PDS5B: variants seen among roughly 807,000 people sequenced by gnomAD.
PDS5B encodes sister chromatid cohesion protein PDS5 homolog B.
A neutral mutation model predicts 184.1 loss-of-function variants in PDS5B; 51 were observed. The ratio of observed to expected loss-of-function variants is 0.28; its 90% CI spans 0.22 to 0.35. The LOEUF (loss-of-function observed/expected upper bound fraction) is 0.35. Among genes scored for constraint, PDS5B ranks in the 10% least tolerant of loss-of-function variants. PDS5B has a pLI of 1.00. For synonymous variants in PDS5B, 566 were observed against 569.2 expected, an observed-to-expected ratio of 0.99 and a Z score of 0.08; for missense variants, 1,180 against 1,723.3, an observed-to-expected ratio of 0.68 and a Z score of 5.58.
intron 9 of PDS5B, among the ~76,000 whole-genome samples, chr13:32,678,511 C>T (rs1015245550): frequency 6.6e-6 from 1 of 152,172 alleles, no homozygotes; most frequent in South Asian, 2.1e-4. Context: ...TATATGCACA[C>T]TTGCATAAAT....
intron 6 of PDS5B, among the ~76,000 whole-genome samples, chr13:32,660,559 C>T (rs1291920587): frequency 6.6e-6 from 1 of 152,192 alleles, no homozygotes; most frequent in African/African-American, 2.4e-5. Flanking sequence ...AACCCTCAAC[C>T]ACTTGTCAAC....
chr13:32,736,703 TTTCATATTCTCTTTCCTTTCTTAC>T (rs1684285468), intron 21 of PDS5B, among the ~76,000 whole-genome samples: 1 of 152,046 alleles, frequency 6.6e-6, no homozygotes, highest in African/African-American at 2.4e-5. Context: ...ACGATTTCTG[TTTCATATTCTCTTTCCTTTCTTAC>T]TGCAGTTCTA....
At chr13:32,760,387 T>G (rs117348088) in intron 29 of PDS5B, among the ~76,000 whole-genome samples, 188 bp from the exon 30 acceptor site, 2 of 152,260 alleles carry the variant, frequency 1.3e-5, no homozygotes, top group Admixed American at 1.3e-4. Context: ...TCAACTGTTA[T>G]GCTGTCTGTA....
chr13:32,707,301 A>C (rs1952055469), intron 18 of PDS5B, among the ~76,000 whole-genome samples: 2 of 152,140 alleles, frequency 1.3e-5, no homozygotes, highest in African/African-American at 4.8e-5. Flanking sequence ...TGAGCAAAGA[A>C]GGTACAACTC....
intron 23 of PDS5B, among the ~76,000 whole-genome samples, chr13:32,743,040 G>A (rs528090815): frequency 1.3e-5 from 2 of 151,200 alleles, no homozygotes; most frequent in African/African-American, 2.4e-5. Flanking sequence ...ATATGTAAGG[G>A]GAAAGAACAG....
chr13:32,602,528 T>C (rs1193488782), intron 1 of PDS5B, among the ~76,000 whole-genome samples: 1 of 152,196 alleles, frequency 6.6e-6, no homozygotes, highest in Non-Finnish European at 1.5e-5. Flanking sequence ...TCTAAGTGTT[T>C]GTATTGTGAA....
chr13:32,731,149 C>T (rs1593544069), intron 19 of PDS5B, among the ~76,000 whole-genome samples: 2 of 151,916 alleles, frequency 1.3e-5, no homozygotes, highest in Non-Finnish European at 2.9e-5. Flanking sequence ...ATTTTTAGGC[C>T]TTTACATGTT....
intron 21 of PDS5B, among the ~76,000 whole-genome samples, chr13:32,740,392 CTG>C (rs1033100992): frequency 1.3e-5 from 2 of 152,116 alleles, no homozygotes; most frequent in African/African-American, 4.8e-5. Context: ...GAGTTATAAA[CTG>C]TGTGTGAATC....
At chr13:32,723,913 A>T (rs541649287) in intron 19 of PDS5B, among the ~76,000 whole-genome samples, 1 of 152,328 alleles carries the variant, frequency 6.6e-6, no homozygotes, top group East Asian at 1.9e-4. Context: ...TAGGGAGAAT[A>T]CAAATCCCCA....
chr13:32,652,168 AT>A (rs1421815767), intron 3 of PDS5B, 161 bp downstream of exon 3: 1 of 572,432 alleles, frequency 1.7e-6, no homozygotes, highest in Non-Finnish European at 3.0e-6. Flanking sequence ...TTTAGAACTT[AT>A]TTTTGAAAAA....
intron 19 of PDS5B, among the ~76,000 whole-genome samples, chr13:32,730,478 T>C (rs1190834863): frequency 6.6e-6 from 1 of 152,240 alleles, no homozygotes; most frequent in Non-Finnish European, 1.5e-5. Context: ...TCTAGTTTTG[T>C]GAAGAAAGTC....
intron 3 of PDS5B, among the ~76,000 whole-genome samples, chr13:32,656,316 G>C (rs1212736408): frequency 1.2e-5 from 1 of 85,956 alleles, no homozygotes. Context: ...TTGGCTGTTT[G>C]GGGTCCCTTT....
chr13:32,678,971 C>A, intron 10 of PDS5B, 42 bp downstream of exon 10: 1 of 1,083,426 alleles, frequency 9.2e-7, no homozygotes, highest in South Asian at 1.3e-5. Flanking sequence ...ACGTGCTCTT[C>A]AGTGGAAAAA....
At chr13:32,606,883 C>T (rs932966500) in intron 1 of PDS5B, among the ~76,000 whole-genome samples, 7 of 152,174 alleles carry the variant, frequency 4.6e-5, no homozygotes, top group Non-Finnish European at 8.8e-5. Flanking sequence ...GCATTCATCA[C>T]GTAGTTCTCG....
At chr13:32,732,477 A>G (rs1358543066) in intron 20 of PDS5B, among the ~76,000 whole-genome samples, 1 of 151,960 alleles carries the variant, frequency 6.6e-6, no homozygotes, top group East Asian at 1.9e-4. Flanking sequence ...GTATTTGGAG[A>G]CTATTTTTTG....
At chr13:32,739,193 A>T (rs1443497827) in intron 21 of PDS5B, among the ~76,000 whole-genome samples, 1 of 151,940 alleles carries the variant, frequency 6.6e-6, no homozygotes, top group Non-Finnish European at 1.5e-5. Context: ...CTGTGATATA[A>T]GGATTTCATT....
At chr13:32,754,687 C>T (rs1301288899) in intron 25 of PDS5B, among the ~76,000 whole-genome samples, 2 of 152,006 alleles carry the variant, frequency 1.3e-5, no homozygotes, top group Non-Finnish European at 2.9e-5. Context: ...ATCATTTGTG[C>T]CCTAGTTTCC....
intron 19 of PDS5B, among the ~76,000 whole-genome samples, chr13:32,722,728 T>C (rs747302596): frequency 2.6e-5 from 4 of 152,150 alleles, no homozygotes; most frequent in Non-Finnish European, 5.9e-5. Flanking sequence ...GGGATACAAA[T>C]TGGTGGAAGC....
chr13:32,655,374 A>ATATATATATATATATATTTTT, intron 3 of PDS5B, among the ~76,000 whole-genome samples: 2 of 72,464 alleles, frequency 2.8e-5, no homozygotes, highest in Non-Finnish European at 4.4e-5. Flanking sequence ...ATATATATAT[A>ATATATATATATATATATTTTT]TTTTTTTTTT....
Sources: allele counts gnomAD v4.1 joint callset (sites outside exome capture counted in the v4.1 genomes callset), GRCh38; gene constraint gnomAD v4.1.1; transcripts MANE v1.5; gene names NCBI Gene and HGNC (gene_info 2026-07-23, HGNC 2026-07-21).